The following KPNA6 variants were observed in gnomAD, a reference collection of about 807,000 sequenced individuals.
KPNA6 encodes karyopherin subunit alpha 6, also known as importin subunit alpha-7.
A neutral mutation model predicts 72.0 loss-of-function variants in KPNA6; 9 were observed. That is an observed-to-expected ratio of 0.13 (90% CI 0.08 to 0.22). The LOEUF is 0.22. Ranked by LOEUF, KPNA6 falls within the 10% of genes least tolerant of loss-of-function variation. The probability of loss-of-function intolerance (pLI) is 1.00; values close to 1 mark genes in which losing one functional copy is unlikely to be tolerated. For synonymous variants in KPNA6, 219 were observed against 242.1 expected, an observed-to-expected ratio of 0.90 and a Z score of 0.89; for missense variants, 374 against 655.7, an observed-to-expected ratio of 0.57 and a Z score of 4.69.
intron 1 of KPNA6, among the ~76,000 whole-genome samples, chr1:32,118,958 G>T (rs1481522358): frequency 7.2e-6 from 1 of 138,366 alleles, no homozygotes; most frequent in Non-Finnish European, 1.5e-5. Context: ...CTTTCTATGT[G>T]TCAAGCCATA....
In KPNA6 at chr1:32,162,484, A is replaced by G; in HGVS notation, c.871A>G (p.Ile291Val). The change falls in exon 9 of 14, where the codon ATA (isoleucine) becomes GTA (valine). Residue 291 changes from isoleucine (I) to valine (V), a missense_variant. Ile to Val is a conservative substitution (Grantham distance 29). This residue lies in a region of KPNA6 where 298 missense variants were observed against 495.4 expected (regional missense o/e 0.60). Coordinates refer to ENST00000373625, the MANE Select transcript of KPNA6 (RefSeq NM_012316.5). ...DGPNEKIQAV[I>V]DSGVCRRLVE... ...CCCCAATGAGAAGATCCAGGCAGTC[A>G]TAGACTCCGGAGTCTGCCGGAGATT... The G allele has an allele frequency of 6.2e-7, 1 of 1,614,088 alleles. No individual in the cohort carries two copies. Among genetic ancestry groups the G allele is most frequent in the East Asian group, 2.2e-5 (1 of 44,876 alleles).
At chr1:32,151,110 A>T (rs1642024764) in intron 1 of KPNA6, among the ~76,000 whole-genome samples, 1 of 151,988 alleles carries the variant, frequency 6.6e-6, no homozygotes, top group African/African-American at 2.4e-5. Context: ...CATAATTTTT[A>T]ATTGGATTCC....
intron 1 of KPNA6, among the ~76,000 whole-genome samples, chr1:32,128,420 T>TAC (rs1326920100): frequency 1.7e-5 from 2 of 120,726 alleles, no homozygotes; most frequent in African/African-American, 7.1e-5. Context: ...TATATATATA[T>TAC]ATATATACAC....
chr1:32,130,663 G>A (rs1038192278), intron 1 of KPNA6, among the ~76,000 whole-genome samples: 1 of 151,666 alleles, frequency 6.6e-6, no homozygotes, highest in Non-Finnish European at 1.5e-5. Flanking sequence ...GTGCATGCCT[G>A]TAGTCCCAGC....
intron 6 of KPNA6, 110 bp downstream of exon 6, chr1:32,159,641 G>A (rs1488796788): frequency 3.2e-6 from 4 of 1,245,704 alleles, no homozygotes; most frequent in Non-Finnish European, 3.3e-6. Context: ...GGAATTTCCT[G>A]AGTGATAGGG....
chr1:32,130,954 G>C (rs1041224727), intron 1 of KPNA6, among the ~76,000 whole-genome samples: 1 of 152,068 alleles, frequency 6.6e-6, no homozygotes, highest in African/African-American at 2.4e-5. Flanking sequence ...TAACTCACTG[G>C]ATCAAAGACC....
rs747000631 is a variant in KPNA6 at position 32,154,653 on chromosome 1, C to T, written c.70C>T (p.Pro24Ser). The T allele has an allele frequency of 1.2e-6, 2 of 1,613,814 alleles. No homozygotes were observed. The highest frequency in any genetic ancestry group is 2.7e-5 in the African/African-American group (2 of 74,984). ...MKSYKNNALN[P>S]EEMRRRREEE... ...GAGCTATAAGAACAATGCTCTAAAC[C>T]CTGAAGAAATGAGACGAAGAAGAGA... Residue 24 changes from proline (P) to serine (S), a missense_variant, in exon 2 of 14, where the codon CCT (proline) becomes TCT (serine). Coordinates refer to ENST00000373625, the MANE Select transcript of KPNA6 (RefSeq NM_012316.5).
chr1:32,123,940 A>G (rs1218498442), intron 1 of KPNA6, among the ~76,000 whole-genome samples: 1 of 145,456 alleles, frequency 6.9e-6, no homozygotes, highest in Non-Finnish European at 1.5e-5. Context: ...AGGCTGAGGC[A>G]GGAGAATTGC....
chr1:32,110,914 C>A (rs1641234606), intron 1 of KPNA6, among the ~76,000 whole-genome samples: 1 of 152,104 alleles, frequency 6.6e-6, no homozygotes, highest in Admixed American at 6.6e-5. Flanking sequence ...AAACAAAAAA[C>A]AGATAACAGT....
intron 1 of KPNA6, among the ~76,000 whole-genome samples, chr1:32,134,945 G>A (rs1570020681): frequency 7.4e-6 from 1 of 134,316 alleles, no homozygotes; most frequent in South Asian, 2.3e-4. Context: ...TTGCTCTATT[G>A]CCCAGGCTGG....
intron 1 of KPNA6, among the ~76,000 whole-genome samples, chr1:32,126,780 C>T (rs1641543550): frequency 6.6e-6 from 1 of 152,024 alleles, no homozygotes; most frequent in African/African-American, 2.4e-5. Flanking sequence ...GGGAAATAGG[C>T]CCTTTTTTAA....
chr1:32,143,252 A>T (rs1641871651), intron 1 of KPNA6, among the ~76,000 whole-genome samples: 3 of 151,910 alleles, frequency 2.0e-5, no homozygotes, highest in Admixed American at 1.3e-4. Context: ...TTTTGTAGAG[A>T]TTGTGGTTTC....
intron 1 of KPNA6, among the ~76,000 whole-genome samples, chr1:32,127,581 A>G (rs1265531888): frequency 6.6e-6 from 1 of 152,250 alleles, no homozygotes; most frequent in African/African-American, 2.4e-5. Context: ...TTCAGCTGAC[A>G]GACAATGCAG....
At chr1:32,115,379 C>T (rs1349775460) in intron 1 of KPNA6, among the ~76,000 whole-genome samples, 1 of 152,082 alleles carries the variant, frequency 6.6e-6, no homozygotes, top group Non-Finnish European at 1.5e-5. Context: ...ACCTCGTGAT[C>T]CGCCCATCTC....
chr1:32,116,718 A>G (rs889926703), intron 1 of KPNA6, among the ~76,000 whole-genome samples: 3 of 152,132 alleles, frequency 2.0e-5, no homozygotes, highest in Admixed American at 6.6e-5. Flanking sequence ...AGCTTTCACC[A>G]TATCTTGGCT....
At chr1:32,170,097 G>A (rs747186185) in intron 13 of KPNA6, 37 bp downstream of exon 13, 36 of 1,582,086 alleles carry the variant, frequency 2.3e-5, no homozygotes, top group Non-Finnish European at 3.1e-5. Context: ...CAGAACCTGA[G>A]ACTGTAGGCC....
At position 32,131,688 on chromosome 1, in the gene KPNA6, G is replaced by GTA. The variant is rs754820964; in HGVS notation, c.5-22886_5-22885dup. Among the ~76,000 whole-genome samples the GTA allele has an allele frequency of 3.2e-3, 470 of 147,702 alleles. 1 individual carries two copies. The highest frequency in any genetic ancestry group is 8.6e-3 in the African/African-American group (346 of 40,430). On this transcript the variant is annotated intron_variant, in intron 1 of 13. Coordinates refer to ENST00000373625, the MANE Select transcript of KPNA6 (RefSeq NM_012316.5). ...CAACAAAGGAGTTGTGTGTGCGTGTGTATATATATATATATGTATGTGTAT... is the reference window on the plus strand; with the variant it reads ...CAACAAAGGAGTTGTGTGTGCGTGTGTATATATATATATATATGTATGTGTAT...
intron 1 of KPNA6, among the ~76,000 whole-genome samples, chr1:32,151,993 T>C (rs1265385381): frequency 6.6e-6 from 1 of 152,208 alleles, no homozygotes; most frequent in Non-Finnish European, 1.5e-5. Context: ...CTACATTCAC[T>C]ATCAATAAGG....
At position 32,172,921 on chromosome 1, in the gene KPNA6, G is replaced by T. The variant is rs1642464128; in HGVS notation, c.*2027G>T. 7.6e-6 allele frequency: 3 copies of T among 395,916 alleles called. No homozygotes were observed. The highest frequency in any genetic ancestry group is 6.3e-4 in the Middle Eastern group (1 of 1,576). The allele number at this position is 395,916 out of a possible 1,614,324, so 24.5% of individuals were successfully genotyped here. A position where few individuals can be genotyped will look rare whatever the true frequency, so the allele number is the denominator to read the frequency against. ...CCTAAAGTTCAGGTACTTATTATTG[G>T]CCATTGATCTTGAATTTGCCCTCTC... On this transcript the variant is annotated 3_prime_UTR_variant, in exon 14 of 14. Transcript: ENST00000373625.
Sources: gnomAD v4.1 joint callset for allele counts (sites outside exome capture counted in the v4.1 genomes callset) on GRCh38, gnomAD v4.1.1 for gene constraint, gnomAD v4.1.1 regional missense constraint, MANE v1.5 for transcripts, NCBI Gene and HGNC (gene_info 2026-07-23, HGNC 2026-07-21) for gene names.